FCHO2: variants seen among roughly 807,000 people sequenced by gnomAD.
FCHO2 encodes the protein F-BAR domain only protein 2.
Under a neutral mutation model 114.1 loss-of-function variants are expected in FCHO2, and 43 were observed. That is an observed-to-expected ratio of 0.38 (90% CI 0.30 to 0.49). FCHO2 has a LOEUF of 0.49. Among genes scored for constraint, FCHO2 ranks in the 20% least tolerant of loss-of-function variants. The pLI, the probability that FCHO2 is intolerant of heterozygous loss-of-function variation, is 0.97. For missense variants in FCHO2, 807 were observed against 950.4 expected (o/e 0.85, Z 1.98); for synonymous variants, 293 against 315.2 (o/e 0.93, Z 0.75).
rs1477524334 is a variant in FCHO2 at position 72,979,454 on chromosome 5, C to T, written c.126-9973C>T. Among the ~76,000 whole-genome samples the T allele has an allele frequency of 2.0e-4, 25 of 122,210 alleles. No individual in the cohort carries two copies. The East Asian group carries it at 4.5e-3, about 22-fold the overall frequency. 80.2% of individuals were successfully genotyped at this position (122,210 alleles called of 152,430 possible). On this transcript the variant is annotated intron_variant, in intron 2 of 25. Coordinates refer to ENST00000430046, the MANE Select transcript of FCHO2 (RefSeq NM_138782.3). ...TCGCCCAGGCTGGAGTGCAGTGGCG[C>T]GATCTCGGCTCACTGCAAGCTCCGC... is the stretch of plus-strand genomic sequence containing the variant.
chr5:72,978,303 C>G (rs891891840), intron 2 of FCHO2, among the ~76,000 whole-genome samples: 1 of 152,124 alleles, frequency 6.6e-6, no homozygotes, highest in African/African-American at 2.4e-5. Flanking sequence ...GTTCATAGTT[C>G]TCCTTGAAGA....
At chr5:72,997,624 T>C in intron 5 of FCHO2, 1 of 1,440,472 alleles carries the variant, frequency 6.9e-7, no homozygotes, top group Non-Finnish European at 9.8e-7. Context: ...GCCGCAACCT[T>C]CACCAGTATA....
chr5:73,013,974 G>A (rs1755161492), intron 6 of FCHO2, among the ~76,000 whole-genome samples: 1 of 152,124 alleles, frequency 6.6e-6, no homozygotes, highest in Non-Finnish European at 1.5e-5. Context: ...GTGAGCCACC[G>A]TGCCTGGCCT....
chr5:73,012,164 T>A (rs182197346), intron 6 of FCHO2, among the ~76,000 whole-genome samples: 1 of 152,304 alleles, frequency 6.6e-6, no homozygotes, highest in East Asian at 1.9e-4. Flanking sequence ...TGTATCAGCA[T>A]CACCACAAAC....
chr5:73,076,965 G>C (rs188527007), intron 20 of FCHO2, among the ~76,000 whole-genome samples: 6 of 152,262 alleles, frequency 3.9e-5, no homozygotes, highest in African/African-American at 7.2e-5. Context: ...ACCATCACCA[G>C]GCCCAGTGCT....
chr5:73,051,141 C>A, intron 11 of FCHO2: 2 of 411,168 alleles, frequency 4.9e-6, no homozygotes, highest in South Asian at 3.4e-5. Context: ...GCAGGTCTTT[C>A]CTCTTTCAGG....
intron 5 of FCHO2, among the ~76,000 whole-genome samples, chr5:73,005,400 A>G (rs139929190): frequency 6.6e-6 from 1 of 152,272 alleles, no homozygotes; most frequent in East Asian, 1.9e-4. Context: ...GAGCTCTTGC[A>G]TCCTCCACAA....
In FCHO2 at chr5:73,017,246, C is replaced by T. The variant is rs750452352; in HGVS notation, c.734C>T (p.Thr245Ile). Residue 245 changes from threonine to isoleucine, a missense_variant, in exon 8 of 26, where the codon ACT becomes ATT. Thr to Ile is a moderately conservative substitution (Grantham distance 89, BLOSUM62 -1). Coordinates refer to ENST00000430046, the MANE Select transcript of FCHO2 (RefSeq NM_138782.3). ...GAATTTATAAATAACATGGCTAATA[C>T]TACAGTTGAAAGTTTGATACAAAAA... ...HEEFINNMAN[T>I]TVESLIQKFA... 4 of 1,558,886 alleles carry T rather than the reference C, an allele frequency of 2.6e-6. No homozygotes were observed. In the South Asian group the frequency reaches 3.6e-5, roughly 14 times the overall value.
intron 5 of FCHO2, chr5:72,997,125 T>C: frequency 8.8e-7 from 1 of 1,137,400 alleles, no homozygotes; most frequent in Non-Finnish European, 1.3e-6. Flanking sequence ...GATGAGATAC[T>C]TATTCACTCC....
chr5:73,078,099 C>G, intron 21 of FCHO2, 81 bp from the exon 22 acceptor site: 1 of 1,114,918 alleles, frequency 9.0e-7, no homozygotes. Context: ...ACTAGTTTTT[C>G]CTGTGTCACC....
chr5:73,021,809 A>C lies in FCHO2; in HGVS notation c.796+4501A>C, dbSNP rs115286920. Among the ~76,000 whole-genome samples, 432 of 152,328 alleles carry C rather than the reference A, an allele frequency of 2.8e-3. 2 individuals are homozygous for C. Among genetic ancestry groups the C allele is most frequent in the African/African-American group, 9.9e-3 (411 of 41,580 alleles). The stretch of plus-strand genomic sequence containing the variant: ...CATTTAATGGCAAGATTAGGGTGTT[A>C]AGAAGGTTGGAATGGAGTGGCTATT... On this transcript the variant is annotated intron_variant, in intron 8 of 25. Transcript: ENST00000430046.
intron 2 of FCHO2, among the ~76,000 whole-genome samples, chr5:72,970,153 A>G (rs1752442360): frequency 6.6e-6 from 1 of 152,140 alleles, no homozygotes; most frequent in African/African-American, 2.4e-5. Flanking sequence ...TCTTTCAGCC[A>G]TCTCAAGGGC....
intron 8 of FCHO2, chr5:73,021,274 A>G (rs939065239): frequency 4.0e-5 from 22 of 543,720 alleles, no homozygotes; most frequent in Non-Finnish European, 6.5e-5. Flanking sequence ...AGGGCTGAGA[A>G]CCCATCACCA....
At chr5:73,051,143 T>G in intron 11 of FCHO2, 1 of 415,724 alleles carries the variant, frequency 2.4e-6, no homozygotes, top group Middle Eastern at 6.4e-4. Context: ...AGGTCTTTCC[T>G]CTTTCAGGTA....
chr5:73,082,499 C>G (rs1743152892), intron 23 of FCHO2, among the ~76,000 whole-genome samples: 1 of 152,088 alleles, frequency 6.6e-6, no homozygotes, highest in Admixed American at 6.6e-5. Context: ...GTACTGATCC[C>G]TATACACATT....
chr5:73,086,134 AAC>A (rs1157530782), intron 24 of FCHO2, among the ~76,000 whole-genome samples: 6 of 152,070 alleles, frequency 3.9e-5, no homozygotes, highest in African/African-American at 1.2e-4. Flanking sequence ...AAAAAAAAAA[AAC>A]ACAAAAAATT....
chr5:72,991,111 C>G (rs2112670383), intron 5 of FCHO2, among the ~76,000 whole-genome samples: 1 of 152,316 alleles, frequency 6.6e-6, no homozygotes, highest in South Asian at 2.1e-4. Flanking sequence ...GTTGCCTAGG[C>G]TGGAGTGCAG....
intron 2 of FCHO2, among the ~76,000 whole-genome samples, chr5:72,978,221 T>C (rs1182847228): frequency 6.6e-6 from 1 of 152,218 alleles, no homozygotes; most frequent in East Asian, 1.9e-4. Context: ...TTTCACAATA[T>C]GATTCTTCCT....
Position 73,088,205 on chromosome 5 carries a change from G to T in FCHO2, c.*115G>T. On this transcript the variant is annotated 3_prime_UTR_variant, in exon 26 of 26. Transcript: ENST00000430046. Reference sequence around the variant, plus strand: ...ATGTCTTTCAAACTTAGACATATTTGAGAGCTGACTACAAACATTAAATCG... The same window carrying T: ...ATGTCTTTCAAACTTAGACATATTTTAGAGCTGACTACAAACATTAAATCG... 7.4e-7 allele frequency: 1 copy of T among 1,354,872 alleles called. No homozygotes were observed. Among genetic ancestry groups the T allele is most frequent in the East Asian group, 2.5e-5 (1 of 40,580 alleles). The allele number at this position is 1,354,872 out of a possible 1,614,324, so 83.9% of individuals were successfully genotyped here.
Sources: allele counts gnomAD v4.1 joint callset (sites outside exome capture counted in the v4.1 genomes callset), GRCh38; gene constraint gnomAD v4.1.1; transcripts MANE v1.5; gene names NCBI Gene and HGNC (gene_info 2026-07-23, HGNC 2026-07-21).